CFAP299: variants seen among roughly 807,000 people sequenced by gnomAD.
The protein encoded by CFAP299 is cilia and flagella associated protein 299.
CFAP299 carries 21 observed loss-of-function variants against 27.0 expected under a neutral mutation model. The observed-to-expected ratio is 0.78, with a 90% CI of 0.55 to 1.12. The LOEUF is 1.12. Ranked by LOEUF, CFAP299 falls within the 50% of genes most tolerant of loss-of-function variation. The pLI is 0.00. For synonymous variants in CFAP299, 104 were observed against 98.1 expected (o/e 1.06, Z -0.36); for missense variants, 310 against 276.6 (o/e 1.12, Z -0.86).
chr4:80,906,331 C>T (rs1374910106), intron 4 of CFAP299, among the ~76,000 whole-genome samples: 1 of 152,206 alleles, frequency 6.6e-6, no homozygotes, highest in Non-Finnish European at 1.5e-5. Context: ...AGGGTACAGC[C>T]CCGCTCCTGG....
intron 2 of CFAP299, among the ~76,000 whole-genome samples, chr4:80,482,398 C>G (rs1352020551): frequency 6.6e-6 from 1 of 152,030 alleles, no homozygotes; most frequent in African/African-American, 2.4e-5. Flanking sequence ...CATTATAATT[C>G]TCCTAAGAAA....
At chr4:80,717,403 AT>A (rs1722552999) in intron 3 of CFAP299, among the ~76,000 whole-genome samples, 1 of 152,128 alleles carries the variant, frequency 6.6e-6, no homozygotes, top group African/African-American at 2.4e-5. Flanking sequence ...CTCCCATGAC[AT>A]TTGAGATATA....
At chr4:80,414,844 C>T (rs1406718730) in intron 2 of CFAP299, among the ~76,000 whole-genome samples, 1 of 152,170 alleles carries the variant, frequency 6.6e-6, no homozygotes, top group Admixed American at 6.5e-5. Context: ...TATTTATTTA[C>T]ATACATGTAC....
chr4:80,714,931 T>G (rs912288676), intron 3 of CFAP299, among the ~76,000 whole-genome samples: 3 of 152,100 alleles, frequency 2.0e-5, no homozygotes, highest in Non-Finnish European at 2.9e-5. Context: ...AAATATCAAT[T>G]CTGACACATG....
At chr4:80,326,644 A>G in the CFAP299 span, among the ~76,000 whole-genome samples, 31 of 152,296 alleles carry the variant, frequency 2.0e-4, no homozygotes, top group African/African-American at 6.3e-4. Context: ...ACTACTTTCT[A>G]TAGTTTCCTT....
At position 80,350,803 on chromosome 4, in the gene CFAP299, G is replaced by GGA. The variant is rs532354882; in HGVS notation, c.112-11947_112-11946dup. Among the ~76,000 whole-genome samples, 426 of 152,188 alleles carry GGA rather than the reference G, an allele frequency of 2.8e-3. 4 individuals carry two copies. Among genetic ancestry groups the GGA allele is most frequent in the African/African-American group, 9.8e-3 (405 of 41,522 alleles). On this transcript the variant is annotated intron_variant, in intron 1 of 5. Coordinates refer to ENST00000358105, the MANE Select transcript of CFAP299 (RefSeq NM_152770.3). ...TGTTGGGGGTGGAGGGAAAGGGGAG[G>GGA]GAGAGCATTAGGACAAATGGCTAAT...
At chr4:80,736,113 T>C (rs953963146) in intron 3 of CFAP299, among the ~76,000 whole-genome samples, 20 of 152,320 alleles carry the variant, frequency 1.3e-4, no homozygotes. Flanking sequence ...ATTTTGGCTT[T>C]GGTTGCCATT....
intron 3 of CFAP299, among the ~76,000 whole-genome samples, chr4:80,623,728 C>T (rs1235293087): frequency 1.3e-5 from 2 of 152,140 alleles, no homozygotes; most frequent in Non-Finnish European, 2.9e-5. Flanking sequence ...GCCTTGGACC[C>T]CAATACTGAC....
At chr4:80,935,738 C>T (rs1309309219) in intron 4 of CFAP299, among the ~76,000 whole-genome samples, 1 of 152,020 alleles carries the variant, frequency 6.6e-6, no homozygotes, top group Non-Finnish European at 1.5e-5. Flanking sequence ...AACTTAAGAG[C>T]TTCTGCATGG....
At position 80,555,744 on chromosome 4, in the gene CFAP299, G is replaced by A. The variant is rs144714866; in HGVS notation, c.243-27349G>A. On this transcript the variant is annotated intron_variant, in intron 2 of 5. Coordinates refer to ENST00000358105, the MANE Select transcript of CFAP299 (RefSeq NM_152770.3). Reference sequence around the variant, plus strand: ...GTCTTGGGAGGATGTATGTGTCCAGGAATTTATACATCTCTTCTAGATTTT... The same window carrying A: ...GTCTTGGGAGGATGTATGTGTCCAGAAATTTATACATCTCTTCTAGATTTT... 7.8e-3 allele frequency among the ~76,000 whole-genome samples: 1,187 copies of A among 152,124 alleles called. 16 individuals carry two copies. The highest frequency in any genetic ancestry group is 0.027 in the African/African-American group (1,128 of 41,516).
At chr4:80,390,588 TATATGTATATATGTATACACAC>T (rs1553919118) in intron 2 of CFAP299, among the ~76,000 whole-genome samples, 1 of 108,996 alleles carries the variant, frequency 9.2e-6, no homozygotes, top group African/African-American at 3.1e-5. Context: ...CATATATGTA[TATATGTATATATGTATACACAC>T]ATATGTATAT....
chr4:80,477,687 A>T (rs113946769), intron 2 of CFAP299, among the ~76,000 whole-genome samples: 2 of 152,154 alleles, frequency 1.3e-5, no homozygotes, highest in African/African-American at 4.8e-5. Flanking sequence ...TGTTGACTCC[A>T]CGACACCTAG....
intron 2 of CFAP299, among the ~76,000 whole-genome samples, chr4:80,507,786 C>A (rs1384303354): frequency 1.3e-5 from 2 of 152,148 alleles, no homozygotes; most frequent in Non-Finnish European, 2.9e-5. Flanking sequence ...GGCTCAGGAA[C>A]CTTGGGGAGA....
At chr4:80,855,618 C>T (rs2110152306) in intron 3 of CFAP299, among the ~76,000 whole-genome samples, 1 of 152,208 alleles carries the variant, frequency 6.6e-6, no homozygotes, top group South Asian at 2.1e-4. Context: ...CATGTGTTCT[C>T]ATTGTTCAAT....
In CFAP299 at chr4:80,859,084, C is replaced by G. The variant is rs1026258357; in HGVS notation, c.334-10909C>G. On this transcript the variant is annotated intron_variant, in intron 3 of 5. Coordinates refer to ENST00000358105, the MANE Select transcript of CFAP299 (RefSeq NM_152770.3). ...GTCACTCAGGAGTTGCTTTGTGAAT[C>G]TGGGTGCTCCTGTATTGGGTGCATA... is the stretch of plus-strand genomic sequence containing the variant. 7.2e-5 allele frequency among the ~76,000 whole-genome samples: 11 copies of G among 152,262 alleles called. No homozygotes were observed. In the South Asian group the frequency reaches 2.3e-3, roughly 32 times the overall value.
At chr4:80,427,093 G>T (rs1368836260) in intron 2 of CFAP299, among the ~76,000 whole-genome samples, 2 of 152,122 alleles carry the variant, frequency 1.3e-5, no homozygotes, top group African/African-American at 4.8e-5. Flanking sequence ...GAGGAAAACG[G>T]GATATCACAA....
At chr4:80,764,755 T>C (rs1725755623) in intron 3 of CFAP299, among the ~76,000 whole-genome samples, 1 of 152,162 alleles carries the variant, frequency 6.6e-6, no homozygotes, top group Non-Finnish European at 1.5e-5. Flanking sequence ...CATGGAATAC[T>C]ATGCAGCCAT....
intron 3 of CFAP299, among the ~76,000 whole-genome samples, chr4:80,682,101 G>T (rs1166910645): frequency 1.3e-5 from 2 of 152,144 alleles, no homozygotes; most frequent in African/African-American, 4.8e-5. Flanking sequence ...TTCACCAAAA[G>T]TGTTTTCAGA....
intron 2 of CFAP299, among the ~76,000 whole-genome samples, chr4:80,529,106 G>A (rs1297088541): frequency 6.6e-6 from 1 of 152,126 alleles, no homozygotes; most frequent in Non-Finnish European, 1.5e-5. Context: ...GCAGTGCAAT[G>A]ACTACTAGAC....
Sources: allele counts gnomAD v4.1 joint callset (sites outside exome capture counted in the v4.1 genomes callset), GRCh38; gene constraint gnomAD v4.1.1; transcripts MANE v1.5; gene names NCBI Gene and HGNC (gene_info 2026-07-23, HGNC 2026-07-21).